Variants in RAB13 observed in about 807,000 individuals in gnomAD.
The protein encoded by RAB13 is RAB13, member RAS oncogene family.
In RAB13, 15 loss-of-function variants were observed where a neutral mutation model predicts 29.3. The observed-to-expected ratio is 0.51, with a 90% CI of 0.34 to 0.79. The LOEUF (loss-of-function observed/expected upper bound fraction) is 0.79, where lower values mean the gene tolerates loss of function less well. RAB13 is among the 30% of genes least tolerant of loss of function. The probability of loss-of-function intolerance (pLI) is 0.01; values close to 1 mark genes in which losing one functional copy is unlikely to be tolerated. For missense variants in RAB13, 186 were observed against 255.5 expected (o/e 0.73, Z 1.85); for synonymous variants, 82 against 93.8 (o/e 0.87, Z 0.73).
At chr1:153,986,589 G>A (rs904888600), upstream of RAB13, among the ~76,000 whole-genome samples, 14 of 152,284 alleles carry the variant, frequency 9.2e-5, no homozygotes, top group Admixed American at 8.5e-4. Context: ...GGGGTGAAGG[G>A]AAGTAGAGGT....
chr1:153,989,239 A>AATTATTATT (rs535397163), upstream of RAB13, among the ~76,000 whole-genome samples: 27 of 136,406 alleles, frequency 2.0e-4, no homozygotes, highest in Middle Eastern at 7.5e-3. Flanking sequence ...GCAAAGAAAA[A>AATTATTATT]ATTATTATTA....
Position 153,982,177 on chromosome 1 carries a change from C to A in RAB13, c.535-1G>T, listed in dbSNP as rs771898668. ...TACTGGGAGGCTTGTTGCCGTTTCC[C>A]TAGAGGGAGAAGGGCACAGGTGTCA... On this transcript the variant is annotated splice_acceptor_variant, in intron 7 of 7. Coordinates refer to ENST00000368575, the MANE Select transcript of RAB13 (RefSeq NM_002870.5). LOFTEE classifies it high-confidence loss of function. 2 of 1,613,604 alleles carry A rather than the reference C, an allele frequency of 1.2e-6. No homozygotes were observed. Among genetic ancestry groups the A allele is most frequent in the Non-Finnish European group, 1.7e-6 (2 of 1,179,652 alleles).
At chr1:153,982,203 T>C (rs766879641) in intron 7 of RAB13, 27 bp from the exon 8 acceptor site, 3 of 1,594,544 alleles carry the variant, frequency 1.9e-6, no homozygotes, top group East Asian at 4.5e-5. Context: ...ACAGGTGTCA[T>C]GGTGTGAATG....
rs1286716284 is a variant in RAB13, at chr1:153,983,565, C to T, written c.202G>A (p.Glu68Lys). 2 of 1,611,124 alleles carry T rather than the reference C, an allele frequency of 1.2e-6. No homozygotes were observed. Among genetic ancestry groups the T allele is most frequent in the Admixed American group, 3.3e-5 (2 of 60,002 alleles). The change falls in exon 3 of 8, where the codon GAG (glutamate) becomes AAG (lysine). Residue 68 changes from glutamate (E) to lysine (K), a missense_variant. By Grantham distance (56) the Glu-to-Lys change is moderately conservative. Coordinates refer to ENST00000368575, the MANE Select transcript of RAB13 (RefSeq NM_002870.5). ...GCAGTAGTTATTGTCTTGAACCGCT[C>T]TTGGCCAGCCGTGTCCCTAAAGAAG... ...KLQVWDTAGQ[E>K]RFKTITTAYY...
At chr1:153,984,682 T>TG (rs758552884) in intron 2 of RAB13, 39 bp downstream of exon 2, 1 of 1,548,624 alleles carries the variant, frequency 6.5e-7, no homozygotes, top group Non-Finnish European at 8.9e-7. Context: ...AGGAGGTAAA[T>TG]GGGGAAGTCT....
chr1:153,986,051 C>T, intron 1 of RAB13, 62 bp downstream of exon 1: 1 of 1,604,888 alleles, frequency 6.2e-7, no homozygotes, highest in Non-Finnish European at 8.5e-7. Context: ...CACTAGTAAT[C>T]CGGGAGCCGG....
rs1384892926 is a variant in RAB13 at position 153,982,334 on chromosome 1, CATACAT to C, written c.534+51_534+56del. The C allele has an allele frequency of 1.0e-5, 15 of 1,457,746 alleles. No homozygotes were observed. In the African/African-American group the frequency reaches 1.2e-4, roughly 11 times the overall value. 90.3% of individuals were successfully genotyped at this position (1,457,746 alleles called of 1,614,324 possible). A position where few individuals can be genotyped will look rare whatever the true frequency, so the allele number is the denominator to read the frequency against. On this transcript the variant is annotated intron_variant, in intron 7 of 7. Transcript: ENST00000368575. ...ACACACACACACACACACACACACA[CATACAT>C]ACACACACACACACCCCAGAGTTGT...
At position 153,983,482 on chromosome 1, in the gene RAB13, C is replaced by T. The variant is rs549744601; in HGVS notation, c.246+39G>A. 2.2e-5 allele frequency: 34 copies of T among 1,556,854 alleles called. No homozygotes were observed. In the South Asian group the frequency reaches 3.7e-4, roughly 17 times the overall value. On this transcript the variant is annotated intron_variant, in intron 3 of 7. Transcript: ENST00000368575. ...TTTGTATTCATAATATATTCTGTAGCCTCATCCTTCATCCTTTGTTCAGAC... is the reference window on the plus strand; with the variant it reads ...TTTGTATTCATAATATATTCTGTAGTCTCATCCTTCATCCTTTGTTCAGAC...
rs759880514 is a variant in RAB13, at chr1:153,982,399, G to T, written c.526C>A (p.Arg176=). The T allele has an allele frequency of 7.4e-6, 12 of 1,612,696 alleles. No individual in the cohort carries two copies. The highest frequency in any genetic ancestry group is 1.1e-5 in the South Asian group (1 of 91,036). The part of the protein sequence containing the change: ...ARDILLKSGG[R]RSGNGNKPPS... ...CAGCAAAACCAACTTACTGATCTCC[G>T]GCCTCCTGACTTGAGCAAGATGTCC... Residue 176 remains arginine (R), a synonymous_variant, in exon 7 of 8, where the codon CGG becomes AGG. Transcript: ENST00000368575.
chr1:153,985,996 A>T, intron 1 of RAB13, 117 bp downstream of exon 1: 1 of 1,502,774 alleles, frequency 6.7e-7, no homozygotes, highest in East Asian at 2.4e-5. Context: ...GGGTTGAGGG[A>T]CTAGAATTTA....
chr1:153,990,284 T>C (rs953526953), upstream of RAB13, among the ~76,000 whole-genome samples: 1 of 152,254 alleles, frequency 6.6e-6, no homozygotes, highest in Non-Finnish European at 1.5e-5. Flanking sequence ...CAGGCTGGTC[T>C]TGAACTGCTG....
At chr1:153,987,596 G>A (rs375804276), upstream of RAB13, among the ~76,000 whole-genome samples, 351 of 151,042 alleles carry the variant, frequency 2.3e-3, 6 homozygotes, top group South Asian at 0.018. Context: ...AATTATTCTT[G>A]CTATATGTGT....
Position 153,983,560 on chromosome 1 carries a change from C to T in RAB13, c.207G>A (p.Arg69=), listed in dbSNP as rs1649064192. The T allele has an allele frequency of 6.2e-7, 1 of 1,611,620 alleles. No homozygotes were observed. The highest frequency in any genetic ancestry group is 1.3e-5 in the African/African-American group (1 of 74,958). ...AGTAGGCAGTAGTTATTGTCTTGAA[C>T]CGCTCTTGGCCAGCCGTGTCCCTAA... ...LQVWDTAGQE[R]FKTITTAYYR... is the part of the protein sequence containing the mutation. Residue 69 remains arginine, a synonymous_variant, in exon 3 of 8, where the codon CGG becomes CGA. Coordinates refer to ENST00000368575, the MANE Select transcript of RAB13 (RefSeq NM_002870.5).
intron 1 of RAB13, 29 bp from the exon 2 acceptor site, chr1:153,984,810 G>C: frequency 1.9e-6 from 3 of 1,600,994 alleles, no homozygotes; most frequent in Non-Finnish European, 2.6e-6. Flanking sequence ...CACTGAAGTT[G>C]AGACATGCAT....
chr1:153,989,087 ATT>A (rs778109310), upstream of RAB13, among the ~76,000 whole-genome samples: 9 of 96,374 alleles, frequency 9.3e-5, no homozygotes, highest in Admixed American at 3.4e-4. Flanking sequence ...GCCCAGCTAA[ATT>A]TTTTTTTTTT....
At chr1:153,990,325 C>T (rs193028656), upstream of RAB13, among the ~76,000 whole-genome samples, 5 of 152,276 alleles carry the variant, frequency 3.3e-5, no homozygotes, top group Admixed American at 2.6e-4. Context: ...CTTGGCCTCC[C>T]TAAGTGCTGG....
At chr1:153,983,374 T>C (rs1649058620) in intron 3 of RAB13, 78 bp from the exon 4 acceptor site, 2 of 1,493,110 alleles carry the variant, frequency 1.3e-6, no homozygotes, top group Non-Finnish European at 1.9e-6. Context: ...CCCGCATCCA[T>C]GGGTCTAAAC....
chr1:153,983,125 CA>C (rs370008084), intron 4 of RAB13, 93 bp downstream of exon 4: 37,383 of 815,448 alleles, frequency 0.046, 2 homozygotes, highest in South Asian at 0.054. Flanking sequence ...AACTTCATCT[CA>C]AAAAAAAAAA....
upstream of RAB13, among the ~76,000 whole-genome samples, chr1:153,986,818 G>C (rs551087554): frequency 1.3e-5 from 2 of 151,452 alleles, no homozygotes; most frequent in South Asian, 4.1e-4. Flanking sequence ...TTTACTGTTA[G>C]TTGTCCAAGC....
Sources: gnomAD v4.1 joint callset for allele counts (sites outside exome capture counted in the v4.1 genomes callset) on GRCh38, gnomAD v4.1.1 for gene constraint, MANE v1.5 for transcripts, NCBI Gene and HGNC (gene_info 2026-07-23, HGNC 2026-07-21) for gene names.